ST6GAL1: variants seen among roughly 807,000 people sequenced by gnomAD.
ST6GAL1 encodes beta-galactoside alpha-2,6-sialyltransferase 1.
Under a neutral mutation model 38.0 loss-of-function variants are expected in ST6GAL1, and 20 were observed. The ratio of observed to expected loss-of-function variants is 0.53; its 90% CI spans 0.37 to 0.77. ST6GAL1 has a LOEUF of 0.77. Among genes scored for constraint, ST6GAL1 ranks in the 30% least tolerant of loss-of-function variants. The pLI is 0.00. For synonymous variants in ST6GAL1, 196 were observed against 188.2 expected (o/e 1.04, Z -0.34); for missense variants, 432 against 496.4 (o/e 0.87, Z 1.23).
At chr3:187,050,220 A>AG (rs1324530281) in intron 4 of ST6GAL1, among the ~76,000 whole-genome samples, 1 of 152,194 alleles carries the variant, frequency 6.6e-6, no homozygotes, top group Non-Finnish European at 1.5e-5. Context: ...AAACCTGAAT[A>AG]GGACAATAGA....
chr3:186,962,967 A>T (rs1714981467), intron 1 of ST6GAL1, among the ~76,000 whole-genome samples: 1 of 152,216 alleles, frequency 6.6e-6, no homozygotes. Flanking sequence ...AAAAAATCTG[A>T]AAAATAAAAA....
chr3:187,028,107 G>A (rs1224483725), intron 2 of ST6GAL1, among the ~76,000 whole-genome samples: 1 of 152,138 alleles, frequency 6.6e-6, no homozygotes, highest in African/African-American at 2.4e-5. Context: ...TGGGAAGATA[G>A]CTATTGCAAA....
chr3:187,064,820 CCTAA>C (rs1356018952), intron 5 of ST6GAL1, among the ~76,000 whole-genome samples: 1 of 152,136 alleles, frequency 6.6e-6, no homozygotes, highest in African/African-American at 2.4e-5. Context: ...GGTCAGTTAT[CCTAA>C]CTATTTTGTG....
chr3:187,022,288 C>T (rs2108565779), intron 2 of ST6GAL1, among the ~76,000 whole-genome samples: 2 of 152,144 alleles, frequency 1.3e-5, no homozygotes, highest in East Asian at 1.9e-4. Context: ...AAGTCATCTT[C>T]TGTGTTGATT....
chr3:186,973,991 T>C lies in ST6GAL1; in HGVS notation c.-183+10065T>C, dbSNP rs1477988776. Among the ~76,000 whole-genome samples, 3 of 152,162 alleles carry C rather than the reference T, an allele frequency of 2.0e-5. No individual in the cohort carries two copies. In the East Asian group the frequency reaches 5.8e-4, roughly 29 times the overall value. ...CTAATTAAATAGTAACACAATCAAA[T>C]GTGAAACCGTGAATTGTGGGGGTTG... On this transcript the variant is annotated intron_variant, in intron 2 of 7. Coordinates refer to ENST00000169298, the MANE Select transcript of ST6GAL1 (RefSeq NM_173216.2).
At chr3:187,047,286 G>T (rs1290135972) in intron 4 of ST6GAL1, among the ~76,000 whole-genome samples, 1 of 151,288 alleles carries the variant, frequency 6.6e-6, no homozygotes, top group African/African-American at 2.4e-5. Flanking sequence ...TCTATAGTAT[G>T]TCTGTTTTCT....
intron 2 of ST6GAL1, among the ~76,000 whole-genome samples, chr3:187,001,827 G>A (rs139428499): frequency 0.1 from 15,333 of 151,724 alleles, 991 homozygotes; most frequent in East Asian, 0.16. Flanking sequence ...GTGGTGGCGC[G>A]CGCCTGTAAT....
chr3:186,942,086 A>G (rs1422707124), intron 1 of ST6GAL1, among the ~76,000 whole-genome samples: 1 of 152,110 alleles, frequency 6.6e-6, no homozygotes, highest in East Asian at 1.9e-4. Flanking sequence ...GTTGACCTCA[A>G]TGGCCACTTA....
At chr3:187,022,719 C>A (rs1359061014) in intron 2 of ST6GAL1, among the ~76,000 whole-genome samples, 2 of 152,192 alleles carry the variant, frequency 1.3e-5, no homozygotes, top group Non-Finnish European at 2.9e-5. Context: ...CAAAGGCTGT[C>A]TGGCAGCCTT....
chr3:186,969,825 C>T (rs966045625), intron 2 of ST6GAL1, among the ~76,000 whole-genome samples: 4 of 152,118 alleles, frequency 2.6e-5, no homozygotes, highest in Non-Finnish European at 5.9e-5. Flanking sequence ...AGTAGAAGTT[C>T]GTATGTGCCA....
At chr3:187,051,498 A>G in intron 5 of ST6GAL1, 152 bp downstream of exon 5, 1 of 655,220 alleles carries the variant, frequency 1.5e-6, no homozygotes, top group Non-Finnish European at 2.6e-6. Context: ...GAAGACAATG[A>G]TTCCATGACC....
At chr3:186,946,771 G>A (rs1055801492) in intron 1 of ST6GAL1, among the ~76,000 whole-genome samples, 12 of 152,250 alleles carry the variant, frequency 7.9e-5, no homozygotes, top group African/African-American at 2.6e-4. Context: ...TCAGACCACT[G>A]AAGCTATTCT....
chr3:186,974,731 G>C (rs898169881), intron 2 of ST6GAL1, among the ~76,000 whole-genome samples: 7 of 151,484 alleles, frequency 4.6e-5, no homozygotes, highest in African/African-American at 1.7e-4. Flanking sequence ...CTGGTTGGGG[G>C]GGGGGCGCCC....
rs750555646 is a variant in ST6GAL1, at chr3:187,077,066, G to A, written c.*1263G>A. The A allele has an allele frequency of 5.0e-6, 2 of 398,536 alleles. No homozygotes were observed. The highest frequency in any genetic ancestry group is 4.4e-5 in the Admixed American group (1 of 22,706). The allele number at this position is 398,536 out of a possible 1,614,324, so 24.7% of individuals were successfully genotyped here. On this transcript the variant is annotated 3_prime_UTR_variant, in exon 8 of 8. Transcript: ENST00000169298. ...GGCCTTTTGCTGAAGGTCTCTCAGGGTGTAGTGGTGTGGCTCTCTGGACTT... is the reference window on the plus strand; with the variant it reads ...GGCCTTTTGCTGAAGGTCTCTCAGGATGTAGTGGTGTGGCTCTCTGGACTT...
rs1209184854 is a variant in ST6GAL1, at chr3:186,954,715, C to G, written c.-324-9070C>G. On this transcript the variant is annotated intron_variant, in intron 1 of 7. Transcript: ENST00000169298. The stretch of plus-strand genomic sequence containing the variant: ...AATTTGTTTAAATTCCTTGTAGATT[C>G]TGGATATTAGAGCTTTGTCAAATGG... Among the ~76,000 whole-genome samples the G allele has an allele frequency of 2.0e-5, 3 of 151,244 alleles. No homozygotes were observed. The East Asian group carries it at 5.8e-4, about 29-fold the overall frequency.
intron 2 of ST6GAL1, chr3:187,024,550 A>T (rs1057037519): frequency 3.3e-5 from 5 of 151,520 alleles, no homozygotes; most frequent in Non-Finnish European, 5.9e-5. Flanking sequence ...TTAACAAAAA[A>T]AGCCTGGGAG....
At chr3:187,073,978 A>C in intron 6 of ST6GAL1, 181 bp from the exon 7 acceptor site, 1 of 530,076 alleles carries the variant, frequency 1.9e-6, no homozygotes, top group South Asian at 3.6e-5. Flanking sequence ...CCACCCTGCT[A>C]TCCAGTGAAA....
intron 2 of ST6GAL1, among the ~76,000 whole-genome samples, chr3:187,030,702 G>A (rs924456736): frequency 2.0e-5 from 3 of 152,172 alleles, no homozygotes; most frequent in Non-Finnish European, 2.9e-5. Context: ...CCAAAGTGCT[G>A]GGATTACAGG....
In ST6GAL1 at chr3:187,074,475, C is replaced by G. The variant is rs142542078; in HGVS notation, c.979+142C>G. On this transcript the variant is annotated intron_variant, in intron 7 of 7. Coordinates refer to ENST00000169298, the MANE Select transcript of ST6GAL1 (RefSeq NM_173216.2). Reference sequence around the variant, plus strand: ...ATTCTGCTCTGCTTGTAGACCATGCCAAGTTCTATCTAAAATACAGAGGGA... The same window carrying G: ...ATTCTGCTCTGCTTGTAGACCATGCGAAGTTCTATCTAAAATACAGAGGGA... 3.5e-4 allele frequency: 301 copies of G among 853,950 alleles called. 2 individuals carry two copies. In the African/African-American group the frequency reaches 5.1e-3, roughly 14 times the overall value. The allele number at this position is 853,950 out of a possible 1,614,324, so 52.9% of individuals were successfully genotyped here. A position where few individuals can be genotyped will look rare whatever the true frequency, so the allele number is the denominator to read the frequency against.
Sources: allele counts gnomAD v4.1 joint callset (sites outside exome capture counted in the v4.1 genomes callset), GRCh38; gene constraint gnomAD v4.1.1; transcripts MANE v1.5; gene names NCBI Gene and HGNC (gene_info 2026-07-23, HGNC 2026-07-21).